The following CFHR5 variants were observed in gnomAD, a reference collection of about 807,000 sequenced individuals.
The protein encoded by CFHR5 is complement factor H related 5.
CFHR5 carries 73 observed loss-of-function variants against 62.9 expected under a neutral mutation model. The observed-to-expected ratio is 1.16, with a 90% CI of 0.96 to 1.41. CFHR5 has a LOEUF of 1.41. Among genes scored for constraint, CFHR5 ranks in the 40% most tolerant of loss-of-function variants. The probability of loss-of-function intolerance (pLI) is 0.00; values close to 1 mark genes in which losing one functional copy is unlikely to be tolerated. For missense variants in CFHR5, 779 were observed against 679.9 expected (o/e 1.15, Z -1.62); for synonymous variants, 249 against 227.2 (o/e 1.10, Z -0.86).
chr1:196,995,698 T>C lies in CFHR5; in HGVS notation c.608-19T>C, dbSNP rs1344011418. The C allele has an allele frequency of 6.2e-7, 1 of 1,602,294 alleles. No individual in the cohort carries two copies. Among genetic ancestry groups the C allele is most frequent in the Admixed American group, 1.7e-5 (1 of 59,940 alleles). ...CTTATAAGACCATTTAAGCATTATTTATGGTTTCTTTATAATAGGACAAGT... is the reference window on the plus strand; with the variant it reads ...CTTATAAGACCATTTAAGCATTATTCATGGTTTCTTTATAATAGGACAAGT... On this transcript the variant is annotated intron_variant, in intron 4 of 9. Coordinates refer to ENST00000256785, the MANE Select transcript of CFHR5 (RefSeq NM_030787.4).
intron 1 of CFHR5, among the ~76,000 whole-genome samples, chr1:196,980,953 A>T (rs1653526727): frequency 6.6e-6 from 1 of 152,146 alleles, no homozygotes; most frequent in African/African-American, 2.4e-5. Flanking sequence ...ATGATAGGTT[A>T]ATACTATCAA....
At chr1:197,004,631 A>T (rs762273540) in intron 8 of CFHR5, 30 bp from the exon 9 acceptor site, 2 of 1,563,388 alleles carry the variant, frequency 1.3e-6, no homozygotes, top group Non-Finnish European at 1.8e-6. Flanking sequence ...AACTAACATA[A>T]TGTCTCAACA....
intron 8 of CFHR5, among the ~76,000 whole-genome samples, chr1:197,003,999 A>T (rs1174741474): frequency 6.6e-6 from 1 of 152,182 alleles, no homozygotes; most frequent in African/African-American, 2.4e-5. Context: ...ACTCAATGAA[A>T]CTAGAGGATG....
At position 197,002,640 on chromosome 1, in the gene CFHR5, T is replaced by C. The variant is rs746882889; in HGVS notation, c.1306T>C (p.Trp436Arg). ...AKEIVCKDGR[W>R]QSLPRCVEST... ...AGAAATTGTATGTAAAGATGGACGA[T>C]GGCAATCATTACCACGCTGTGTTGG... The change falls in exon 8 of 10, where the codon TGG becomes CGG. Residue 436 changes from tryptophan to arginine, a missense_variant. Coordinates refer to ENST00000256785, the MANE Select transcript of CFHR5 (RefSeq NM_030787.4). 2 of 1,613,422 alleles carry C rather than the reference T, an allele frequency of 1.2e-6. No individual in the cohort carries two copies. Among genetic ancestry groups the C allele is most frequent in the East Asian group, 2.2e-5 (1 of 44,810 alleles).
At chr1:196,990,836 A>T (rs535143505) in intron 3 of CFHR5, among the ~76,000 whole-genome samples, 1 of 152,242 alleles carries the variant, frequency 6.6e-6, no homozygotes, top group East Asian at 1.9e-4. Context: ...GGTGAATCTG[A>T]CAATTATGTG....
intron 9 of CFHR5, among the ~76,000 whole-genome samples, chr1:197,006,256 T>C (rs1034155674): frequency 2.6e-5 from 4 of 151,932 alleles, no homozygotes; most frequent in African/African-American, 9.7e-5. Context: ...AAACAGTATT[T>C]TGAACAATAA....
At position 196,994,088 on chromosome 1, in the gene CFHR5, T is replaced by C. The variant is rs373071474; in HGVS notation, c.439T>C (p.Cys147Arg). ...PPICSFTKGE[C>R]HVPILEANVD... ...TTTAATTTTATTTTTAGAAGGAGAA[T>C]GTCATGTTCCAATTTTAGAAGCCAA... is the stretch of plus-strand genomic sequence containing the variant. The change falls in exon 4 of 10, where the codon TGT becomes CGT. Residue 147 changes from cysteine to arginine, a missense_variant. Coordinates refer to ENST00000256785, the MANE Select transcript of CFHR5 (RefSeq NM_030787.4). The C allele has an allele frequency of 9.9e-6, 16 of 1,611,250 alleles. No individual in the cohort carries two copies. The highest frequency in any genetic ancestry group is 1.4e-5 in the Non-Finnish European group (16 of 1,177,984).
At position 197,002,570 on chromosome 1, in the gene CFHR5, AG is replaced by A. The variant is rs1360898675; in HGVS notation, c.1237del (p.Val413Ter). The A allele has an allele frequency of 2.5e-5, 41 of 1,613,246 alleles. No homozygotes were observed. The highest frequency in any genetic ancestry group is 3.5e-5 in the Non-Finnish European group (41 of 1,179,468). ...CAGTGAATTATCAGGATGGAGAAAAAGTAGCTGTTCTCTGTAAAGAAAACTA... is the reference window on the plus strand; with the variant it reads ...CAGTGAATTATCAGGATGGAGAAAAATAGCTGTTCTCTGTAAAGAAAACTA... The part of the protein sequence containing the change: ...TTVNYQDGEK[V>X]AVLCKENYLL... On this transcript the variant is annotated frameshift_variant, in exon 8 of 10. Transcript: ENST00000256785. LOFTEE classifies it high-confidence loss of function.
intron 6 of CFHR5, 152 bp from the exon 7 acceptor site, chr1:196,997,976 C>T: frequency 3.9e-6 from 2 of 509,898 alleles, no homozygotes; most frequent in Non-Finnish European, 6.8e-6. Context: ...TTTATTTTTT[C>T]TTTTTCCAAC....
At chr1:196,994,057 TG>T (rs1427652953) in intron 3 of CFHR5, 22 bp from the exon 4 acceptor site, 48 of 1,579,360 alleles carry the variant, frequency 3.0e-5, no homozygotes, top group Non-Finnish European at 4.1e-5. Flanking sequence ...AATTCACATA[TG>T]TTCATTTAAT....
At position 197,008,618 on chromosome 1, in the gene CFHR5, A is replaced by G. The variant is rs149614133; in HGVS notation, c.1645A>G (p.Ile549Val). Residue 549 changes from isoleucine to valine, a missense_variant, in exon 10 of 10, where the codon ATA (isoleucine) becomes GTA (valine). Physicochemically the swap from Ile to Val is conservative, Grantham distance 29. Transcript: ENST00000256785. Reference sequence around the variant, plus strand: ...GTGTAAATTCCCACATAAAGCGATGATATCATCACCACCATTTCGAGCAAT... The same window carrying G: ...GTGTAAATTCCCACATAAAGCGATGGTATCATCACCACCATTTCGAGCAAT... ...FQCKFPHKAM[I>V]SSPPFRAICQ... The G allele has an allele frequency of 5.6e-6, 9 of 1,613,844 alleles. No homozygotes were observed. The highest frequency in any genetic ancestry group is 7.6e-6 in the Non-Finnish European group (9 of 1,179,886).
At chr1:196,991,071 T>A (rs1653835300) in intron 3 of CFHR5, among the ~76,000 whole-genome samples, 1 of 151,954 alleles carries the variant, frequency 6.6e-6, no homozygotes, top group Non-Finnish European at 1.5e-5. Flanking sequence ...TTCTTTTTAC[T>A]CTTTTTTCTC....
chr1:196,981,977 A>C (rs770876858), intron 1 of CFHR5, among the ~76,000 whole-genome samples: 40 of 151,918 alleles, frequency 2.6e-4, no homozygotes, highest in Non-Finnish European at 5.3e-4. Flanking sequence ...TTTAGCTCTA[A>C]TTTTATCTCG....
At chr1:197,002,349 G>C (rs1654173768) in intron 7 of CFHR5, 133 bp from the exon 8 acceptor site, 1 of 636,672 alleles carries the variant, frequency 1.6e-6, no homozygotes, top group Admixed American at 2.9e-5. Context: ...TATAGGGAGA[G>C]AGAAAGAGAA....
At chr1:196,988,920 G>A (rs1306547030) in intron 3 of CFHR5, among the ~76,000 whole-genome samples, 2 of 152,052 alleles carry the variant, frequency 1.3e-5, no homozygotes, top group Admixed American at 6.6e-5. Context: ...TTTTTCTATT[G>A]ATTGGAATAG....
At chr1:197,005,400 A>G (rs1207799691) in intron 9 of CFHR5, among the ~76,000 whole-genome samples, 1 of 151,986 alleles carries the variant, frequency 6.6e-6, no homozygotes, top group Non-Finnish European at 1.5e-5. Context: ...ATTTTTTTCT[A>G]CTACAAAATA....
chr1:196,996,283 A>T (rs1160095887), intron 6 of CFHR5, 82 bp downstream of exon 6: 2 of 1,141,850 alleles, frequency 1.8e-6, no homozygotes, highest in African/African-American at 1.5e-5. Flanking sequence ...TCTGGCTAGA[A>T]TTACAATTTT....
chr1:196,984,031 T>A lies in CFHR5; in HGVS notation c.324T>A (p.Asp108Glu). ...CAGGACTAATACATCTGGAAGGTGA[T>A]ACTGTACAAATTATTTGCAACACAG... ...ESSGLIHLEG[D>E]TVQIICNTGY... Residue 108 changes from aspartate to glutamate, a missense_variant, in exon 3 of 10, where the codon GAT (aspartate) becomes GAA (glutamate). Asp to Glu is a conservative substitution (Grantham distance 45). Coordinates refer to ENST00000256785, the MANE Select transcript of CFHR5 (RefSeq NM_030787.4). 6.2e-7 allele frequency: 1 copy of A among 1,612,892 alleles called. No homozygotes were observed.
chr1:196,999,683 GTATATATATATATATATATATATA>G (rs35191504), intron 7 of CFHR5, among the ~76,000 whole-genome samples: 18 of 110,668 alleles, frequency 1.6e-4, no homozygotes, highest in East Asian at 8.6e-4. Context: ...TTGGGAAAAA[GTATATATATATATATATATATATA>G]TATATATATA....
Sources: gnomAD v4.1 joint callset for allele counts (sites outside exome capture counted in the v4.1 genomes callset) on GRCh38, gnomAD v4.1.1 for gene constraint, MANE v1.5 for transcripts, NCBI Gene and HGNC (gene_info 2026-07-23, HGNC 2026-07-21) for gene names.